TRIP11: variants seen among roughly 807,000 people sequenced by gnomAD.
TRIP11 encodes the protein thyroid hormone receptor interactor 11.
Under a neutral mutation model 223.1 loss-of-function variants are expected in TRIP11, and 148 were observed. The observed-to-expected ratio is 0.66, with a 90% CI of 0.58 to 0.76. The LOEUF is 0.76. Among genes scored for constraint, TRIP11 ranks in the 30% least tolerant of loss-of-function variants. The pLI is 0.00. For missense variants in TRIP11, 2,043 were observed against 2,222.0 expected, an observed-to-expected ratio of 0.92 and a Z score of 1.62; for synonymous variants, 762 against 772.6, an observed-to-expected ratio of 0.99 and a Z score of 0.23.
chr14:91,981,006 ATATATATTT>A (rs1181123435), intron 16 of TRIP11, among the ~76,000 whole-genome samples: 5 of 66,124 alleles, frequency 7.6e-5, no homozygotes, highest in South Asian at 9.9e-4. Context: ...ATATATATAT[ATATATATTT>A]TTTTTTTTTT....
intron 16 of TRIP11, among the ~76,000 whole-genome samples, chr14:91,987,804 T>A (rs2056621271): frequency 6.6e-6 from 1 of 152,144 alleles, no homozygotes; most frequent in Non-Finnish European, 1.5e-5. Context: ...ATGAGGCACC[T>A]TATAAACATC....
chr14:92,006,483 T>G, intron 10 of TRIP11, 35 bp from the exon 11 acceptor site: 1 of 1,608,232 alleles, frequency 6.2e-7, no homozygotes, highest in South Asian at 1.1e-5. Context: ...CTTTACAACA[T>G]GTTCTCATTT....
In TRIP11 at chr14:92,039,712, T is replaced by C; in HGVS notation, c.-27A>G. 1 of 1,605,082 alleles carries C rather than the reference T, an allele frequency of 6.2e-7. No homozygotes were observed. Among genetic ancestry groups the C allele is most frequent in the Non-Finnish European group, 8.5e-7 (1 of 1,175,802 alleles). On this transcript the variant is annotated 5_prime_UTR_variant, in exon 1 of 21. Transcript: ENST00000267622. ...GCGGCGAGTTTAGAGAACGACCCGG[T>C]CCGCTCGGAAAAAAGAAAACGTTTA...
chr14:91,974,770 ATAT>A, intron 18 of TRIP11, 27 bp from the exon 19 acceptor site: 2 of 1,523,812 alleles, frequency 1.3e-6, no homozygotes, highest in Non-Finnish European at 1.8e-6. Flanking sequence ...AAACAGACAA[ATAT>A]TATCAGTACA....
Position 91,978,047 on chromosome 14 carries a change from AGG to A in TRIP11, c.5261-1860_5261-1859del, listed in dbSNP as rs1566844713. 1.3e-5 allele frequency among the ~76,000 whole-genome samples: 2 copies of A among 151,994 alleles called. No individual in the cohort carries two copies. Among genetic ancestry groups the A allele is most frequent in the African/African-American group, 4.8e-5 (2 of 41,380 alleles). On this transcript the variant is annotated intron_variant, in intron 16 of 20. Coordinates refer to ENST00000267622, the MANE Select transcript of TRIP11 (RefSeq NM_004239.4). This position sits in a 1 kb window ranked among gnomAD's most constrained non-coding sequence, Gnocchi z 4.4. ...CTTGGACGAGAGAGGGAGAGAGAGA[AGG>A]GGAGAGAGAGGGCGAAAAGGTGGGG...
chr14:92,026,748 G>T lies in TRIP11; in HGVS notation c.202-1328C>A, dbSNP rs2057193197. The T allele has an allele frequency of 6.4e-6, 7 of 1,087,958 alleles. No homozygotes were observed. The African/African-American group carries it at 1.1e-4, about 17-fold the overall frequency. The allele number at this position is 1,087,958 out of a possible 1,614,324, so 67.4% of individuals were successfully genotyped here. ...AAGAAGGTGGGGAGGAAGAGGAGGA[G>T]GAAGAAGAAGGTGAGGGTGAGGAAG... On this transcript the variant is annotated intron_variant, in intron 2 of 20. Coordinates refer to ENST00000267622, the MANE Select transcript of TRIP11 (RefSeq NM_004239.4).
In TRIP11 at chr14:91,978,366, G is replaced by A. The variant is rs1418865996; in HGVS notation, c.5261-2177C>T. Reference sequence around the variant, plus strand: ...AGCAGAAAAACAGAGGTCAAGCTTAGCTAACCTACCTCCAACCCCCACCTT... The same window carrying A: ...AGCAGAAAAACAGAGGTCAAGCTTAACTAACCTACCTCCAACCCCCACCTT... On this transcript the variant is annotated intron_variant, in intron 16 of 20. Transcript: ENST00000267622. This position sits in a 1 kb window ranked among gnomAD's most constrained non-coding sequence, Gnocchi z 4.4. Among the ~76,000 whole-genome samples, 1 of 151,996 alleles carries A rather than the reference G, an allele frequency of 6.6e-6. No individual in the cohort carries two copies. Among genetic ancestry groups the A allele is most frequent in the Non-Finnish European group, 1.5e-5 (1 of 68,004 alleles).
chr14:92,013,046 A>C (rs1036395579), intron 7 of TRIP11, among the ~76,000 whole-genome samples: 1 of 152,204 alleles, frequency 6.6e-6, no homozygotes, highest in Non-Finnish European at 1.5e-5. Flanking sequence ...AGGTGGGCAG[A>C]TCATGAGGTC....
At chr14:92,018,590 T>G (rs1281319544) in intron 4 of TRIP11, among the ~76,000 whole-genome samples, 1 of 152,022 alleles carries the variant, frequency 6.6e-6, no homozygotes, top group Non-Finnish European at 1.5e-5. Context: ...ATAGAAAAAA[T>G]ACAGGATTTA....
intron 11 of TRIP11, 51 bp from the exon 12 acceptor site, chr14:92,000,159 T>G (rs1340751520): frequency 6.2e-7 from 1 of 1,604,534 alleles, no homozygotes; most frequent in South Asian, 1.1e-5. Flanking sequence ...ACACACATAT[T>G]TTAAAAGAGA....
intron 4 of TRIP11, among the ~76,000 whole-genome samples, chr14:92,021,158 C>T (rs761143380): frequency 9.9e-5 from 15 of 151,264 alleles, no homozygotes; most frequent in Admixed American, 2.6e-4. Context: ...TTTGGGAGGC[C>T]GAGGTGGGCA....
At chr14:92,013,503 G>A (rs1595395469) in intron 7 of TRIP11, among the ~76,000 whole-genome samples, 1 of 152,120 alleles carries the variant, frequency 6.6e-6, no homozygotes, top group East Asian at 1.9e-4. Context: ...TAACCACTAC[G>A]CTATTCTGCT....
chr14:92,003,122 A>G lies in TRIP11; in HGVS notation c.4557+297T>C, dbSNP rs28459848. On this transcript the variant is annotated intron_variant, in intron 11 of 20. Transcript: ENST00000267622. ...ACCTAAAATTTGATTAAATTGAAGT[A>G]ACTTCAAAATTCTCTCATGAGACAC... Among the ~76,000 whole-genome samples the G allele has an allele frequency of 0.049, 7,446 of 152,262 alleles. 547 individuals are homozygous for G. The highest frequency in any genetic ancestry group is 0.16 in the African/African-American group (6,605 of 41,526).
chr14:91,993,991 T>C, intron 14 of TRIP11, 79 bp from the exon 15 acceptor site: 1 of 1,099,004 alleles, frequency 9.1e-7, no homozygotes, highest in Non-Finnish European at 1.4e-6. Flanking sequence ...TAAATTTTAA[T>C]AATCCAACGA....
intron 2 of TRIP11, chr14:92,026,851 T>C (rs2057194782): frequency 2.0e-6 from 3 of 1,511,892 alleles, no homozygotes; most frequent in African/African-American, 2.7e-5. Context: ...ATGACGATGT[T>C]GATACCAAGA....
At chr14:92,036,283 G>A (rs982305619) in intron 1 of TRIP11, among the ~76,000 whole-genome samples, 1 of 152,116 alleles carries the variant, frequency 6.6e-6, no homozygotes, top group African/African-American at 2.4e-5. Context: ...ATATTATGCA[G>A]ACAAAAATAT....
chr14:92,018,236 A>AATT (rs2057061271), intron 4 of TRIP11, among the ~76,000 whole-genome samples: 2 of 151,834 alleles, frequency 1.3e-5, no homozygotes, highest in Non-Finnish European at 2.9e-5. Context: ...CTGGGACTAC[A>AATT]AGCACATGCC....
intron 3 of TRIP11, among the ~76,000 whole-genome samples, chr14:92,023,195 T>C (rs1420267610): frequency 6.6e-6 from 1 of 152,204 alleles, no homozygotes; most frequent in Non-Finnish European, 1.5e-5. Context: ...TCCCCACCAG[T>C]GTTTTCAACT....
chr14:92,028,903 T>A (rs1234104207), intron 2 of TRIP11, among the ~76,000 whole-genome samples: 1 of 152,232 alleles, frequency 6.6e-6, no homozygotes, highest in Non-Finnish European at 1.5e-5. Flanking sequence ...ACTTAATTTC[T>A]TTTTTAGGCA....
Sources: gnomAD v4.1 joint callset for allele counts (sites outside exome capture counted in the v4.1 genomes callset) on GRCh38, gnomAD v4.1.1 for gene constraint, Gnocchi (gnomAD v3.1) non-coding constraint, MANE v1.5 for transcripts, NCBI Gene and HGNC (gene_info 2026-07-23, HGNC 2026-07-21) for gene names.